USP47: variants seen among roughly 807,000 people sequenced by gnomAD.
The protein encoded by USP47 is ubiquitin carboxyl-terminal hydrolase 47.
USP47 carries 35 observed loss-of-function variants against 165.1 expected under a neutral mutation model. The ratio of observed to expected loss-of-function variants is 0.21; its 90% CI spans 0.16 to 0.28. USP47 has a LOEUF of 0.28. USP47 is among the 10% of genes least tolerant of loss of function. USP47 has a pLI of 1.00. For synonymous variants in USP47, 531 were observed against 544.5 expected, an observed-to-expected ratio of 0.98 and a Z score of 0.35; for missense variants, 1,277 against 1,607.4, an observed-to-expected ratio of 0.79 and a Z score of 3.52.
intron 8 of USP47, among the ~76,000 whole-genome samples, chr11:11,910,617 G>A (rs1852904925): frequency 6.6e-6 from 1 of 151,978 alleles, no homozygotes; most frequent in East Asian, 1.9e-4. Context: ...TTACAGCCAA[G>A]GTTATATCAG....
At chr11:11,886,197 A>G (rs572191120) in intron 3 of USP47, among the ~76,000 whole-genome samples, 32 of 152,284 alleles carry the variant, frequency 2.1e-4, no homozygotes, top group Non-Finnish European at 4.4e-4. Context: ...TCTTCTCCAG[A>G]TGACCGCAGT....
chr11:11,857,470 A>G (rs1400408517), intron 1 of USP47, among the ~76,000 whole-genome samples: 1 of 152,208 alleles, frequency 6.6e-6, no homozygotes, highest in Non-Finnish European at 1.5e-5. Flanking sequence ...TTAGTTATTT[A>G]CCATTAACAC....
intron 1 of USP47, among the ~76,000 whole-genome samples, chr11:11,873,098 T>A (rs998585791): frequency 8.5e-5 from 13 of 152,090 alleles, no homozygotes; most frequent in Admixed American, 7.9e-4. Flanking sequence ...TATTTTAGAG[T>A]TGCTTTTCAG....
intron 1 of USP47, among the ~76,000 whole-genome samples, chr11:11,844,138 A>G (rs758214964): frequency 3.3e-5 from 5 of 152,162 alleles, no homozygotes; most frequent in East Asian, 1.9e-4. Context: ...GAAAATCACC[A>G]GTTATCTCTT....
At chr11:11,858,731 T>C (rs987789054) in intron 1 of USP47, among the ~76,000 whole-genome samples, 31 of 152,232 alleles carry the variant, frequency 2.0e-4, no homozygotes, top group African/African-American at 7.5e-4. Flanking sequence ...TCATTTATGT[T>C]GTTGCTTCTA....
chr11:11,905,145 C>T (rs1852475367), intron 7 of USP47, among the ~76,000 whole-genome samples: 2 of 151,488 alleles, frequency 1.3e-5, no homozygotes, highest in Admixed American at 1.3e-4. Flanking sequence ...TGCACACTGA[C>T]TCAAATTAGT....
chr11:11,929,355 G>A (rs1590400932), intron 11 of USP47, 79 bp from the exon 12 acceptor site: 1 of 1,533,840 alleles, frequency 6.5e-7, no homozygotes, highest in Non-Finnish European at 8.8e-7. Flanking sequence ...TTCTCTGTGT[G>A]TTAACAGAGA....
rs1186976354 is a variant in USP47, at chr11:11,940,379, G to A, written c.2194-50G>A. On this transcript the variant is annotated intron_variant, in intron 18 of 27. Coordinates refer to ENST00000527733, the MANE Select transcript of USP47 (RefSeq NM_001282659.2). ...TTGCTTTCCCATATTTTTAAGTCAA[G>A]CAGAATTATTTTTGAAAGAGTACTT... 3 of 1,537,792 alleles carry A rather than the reference G, an allele frequency of 2.0e-6. No individual in the cohort carries two copies. In the African/African-American group the frequency reaches 4.2e-5, roughly 21 times the overall value.
At chr11:11,884,382 C>T in intron 2 of USP47, 85 bp from the exon 3 acceptor site, 1 of 949,052 alleles carries the variant, frequency 1.1e-6, no homozygotes, top group Admixed American at 3.0e-5. Flanking sequence ...TAAAAAAATA[C>T]TATTTAAATG....
intron 11 of USP47, among the ~76,000 whole-genome samples, chr11:11,925,995 C>T (rs1168226211): frequency 2.0e-5 from 3 of 152,146 alleles, no homozygotes; most frequent in African/African-American, 7.2e-5. Flanking sequence ...TCAATTGAAG[C>T]GATCCTGTGG....
At chr11:11,932,368 C>T (rs1854734187) in intron 14 of USP47, among the ~76,000 whole-genome samples, 1 of 152,136 alleles carries the variant, frequency 6.6e-6, no homozygotes, top group African/African-American at 2.4e-5. Flanking sequence ...ATCACATAAT[C>T]ATCACTTTTT....
chr11:11,937,571 T>C, intron 17 of USP47, among the ~76,000 whole-genome samples: 1 of 141,196 alleles, frequency 7.1e-6, no homozygotes, highest in East Asian at 2.0e-4. Flanking sequence ...GACATTTCCT[T>C]GCTTTTTTTT....
chr11:11,859,139 A>C (rs1849232419), intron 1 of USP47, among the ~76,000 whole-genome samples: 1 of 152,140 alleles, frequency 6.6e-6, no homozygotes, highest in South Asian at 2.1e-4. Flanking sequence ...GCATCTTTTC[A>C]TGTACTTAAT....
chr11:11,898,479 A>G (rs78338996), intron 5 of USP47, among the ~76,000 whole-genome samples: 24,667 of 152,084 alleles, frequency 0.16, 2,463 homozygotes, highest in Admixed American at 0.34. Context: ...TTATATCACC[A>G]TTAGATTAAT....
At chr11:11,874,197 A>C (rs1201423256) in intron 1 of USP47, among the ~76,000 whole-genome samples, 1 of 152,194 alleles carries the variant, frequency 6.6e-6, no homozygotes, top group African/African-American at 2.4e-5. Context: ...TTACAAAGTC[A>C]AAATCCAGAA....
At chr11:11,846,629 A>G (rs1217206839) in intron 1 of USP47, among the ~76,000 whole-genome samples, 1 of 152,168 alleles carries the variant, frequency 6.6e-6, no homozygotes, top group Non-Finnish European at 1.5e-5. Context: ...ATTTATTTAT[A>G]TACCAGATAC....
At chr11:11,885,630 A>G (rs1449985082) in intron 3 of USP47, among the ~76,000 whole-genome samples, 4 of 152,044 alleles carry the variant, frequency 2.6e-5, no homozygotes, top group South Asian at 4.2e-4. Context: ...ACACATATAG[A>G]CCCCAGGAGT....
chr11:11,908,782 T>C (rs1852757521), intron 8 of USP47, among the ~76,000 whole-genome samples: 1 of 152,232 alleles, frequency 6.6e-6, no homozygotes, highest in South Asian at 2.1e-4. Context: ...ATCTTCATTT[T>C]ACTCATCCAA....
At chr11:11,917,332 A>G (rs372391218) in intron 8 of USP47, among the ~76,000 whole-genome samples, 15 of 152,276 alleles carry the variant, frequency 9.9e-5, no homozygotes, top group African/African-American at 2.9e-4. Context: ...CTCATTGGGT[A>G]TTATATCCAT....
Sources: allele counts gnomAD v4.1 joint callset (sites outside exome capture counted in the v4.1 genomes callset), GRCh38; gene constraint gnomAD v4.1.1; transcripts MANE v1.5; gene names NCBI Gene and HGNC (gene_info 2026-07-23, HGNC 2026-07-21).